MAPKAP1: variants seen among roughly 807,000 people sequenced by gnomAD.
MAPKAP1 encodes target of rapamycin complex 2 subunit MAPKAP1.
Under a neutral mutation model 65.7 loss-of-function variants are expected in MAPKAP1, and 20 were observed. The ratio of observed to expected loss-of-function variants is 0.30; its 90% confidence interval spans 0.21 to 0.44. The LOEUF (loss-of-function observed/expected upper bound fraction) is 0.44. Ranked by LOEUF, MAPKAP1 falls within the 20% of genes least tolerant of loss-of-function variation. The pLI, the probability that MAPKAP1 is intolerant of heterozygous loss-of-function variation, is 1.00. For missense variants in MAPKAP1, 423 were observed against 648.0 expected, an observed-to-expected ratio of 0.65 and a Z score of 3.77; for synonymous variants, 222 against 244.3, an observed-to-expected ratio of 0.91 and a Z score of 0.85.
At chr9:125,537,083 G>C (rs990761170) in intron 7 of MAPKAP1, among the ~76,000 whole-genome samples, 4 of 152,106 alleles carry the variant, frequency 2.6e-5, no homozygotes, top group Non-Finnish European at 5.9e-5. Context: ...TCTCCCATTA[G>C]GGTTCTAATA....
chr9:125,554,541 G>A (rs566568316), intron 6 of MAPKAP1, among the ~76,000 whole-genome samples: 1 of 148,944 alleles, frequency 6.7e-6, no homozygotes, highest in Non-Finnish European at 1.5e-5. Context: ...GCTCATGCCT[G>A]TAATCCTAAC....
intron 8 of MAPKAP1, among the ~76,000 whole-genome samples, chr9:125,501,878 C>T (rs921446569): frequency 2.0e-5 from 3 of 152,034 alleles, no homozygotes; most frequent in African/African-American, 7.2e-5. Context: ...TTCATTCCTA[C>T]TACTATCTGT....
intron 5 of MAPKAP1, among the ~76,000 whole-genome samples, chr9:125,563,592 A>G (rs1235163523): frequency 6.6e-6 from 1 of 152,180 alleles, no homozygotes; most frequent in Non-Finnish European, 1.5e-5. Context: ...ATCTCTCCAT[A>G]CTTACTAAAG....
rs144329556 is a variant in MAPKAP1 at position 125,656,950 on chromosome 9, C to T, written c.498+701G>A. On this transcript the variant is annotated intron_variant, in intron 4 of 11. Coordinates refer to ENST00000265960, the MANE Select transcript of MAPKAP1 (RefSeq NM_001006617.3). ...CAAACACACTTTAATTTCATAACAG[C>T]AAACTTAGCACAAACAGGCAAAAAA... Among the ~76,000 whole-genome samples the T allele has an allele frequency of 4.0e-3, 609 of 152,196 alleles. 3 individuals are homozygous for T. The highest frequency in any genetic ancestry group is 6.6e-3 in the Non-Finnish European group (446 of 67,990).
intron 4 of MAPKAP1, among the ~76,000 whole-genome samples, chr9:125,609,464 C>T (rs150156579): frequency 2.6e-3 from 402 of 152,290 alleles, no homozygotes; most frequent in Non-Finnish European, 3.9e-3. Context: ...GTTTCACCTG[C>T]CAAGCTTCTT....
intron 5 of MAPKAP1, among the ~76,000 whole-genome samples, chr9:125,581,112 G>A (rs1271231894): frequency 2.0e-5 from 3 of 152,200 alleles, no homozygotes; most frequent in Admixed American, 2.0e-4. Context: ...ACCTGCTGAA[G>A]GACATTTAGG....
chr9:125,638,716 G>C (rs748106790), intron 4 of MAPKAP1, among the ~76,000 whole-genome samples: 1 of 152,168 alleles, frequency 6.6e-6, no homozygotes, highest in African/African-American at 2.4e-5. Context: ...CACCCTTTAA[G>C]ACTGCAGCAC....
At chr9:125,700,595 A>T (rs1203095572) in intron 1 of MAPKAP1, among the ~76,000 whole-genome samples, 1 of 152,166 alleles carries the variant, frequency 6.6e-6, no homozygotes, top group African/African-American at 2.4e-5. Context: ...CAATTACATA[A>T]AACTGTATTC....
intron 4 of MAPKAP1, among the ~76,000 whole-genome samples, chr9:125,634,077 A>AT (rs1376199821): frequency 6.6e-6 from 1 of 152,176 alleles, no homozygotes; most frequent in Admixed American, 6.5e-5. Context: ...TTCTTTATCC[A>AT]TATCGCTATT....
At chr9:125,693,273 G>A (rs111952560) in intron 1 of MAPKAP1, among the ~76,000 whole-genome samples, 13,584 of 151,860 alleles carry the variant, frequency 0.089, 1,908 homozygotes, top group African/African-American at 0.3. Context: ...AACTAGCCAA[G>A]CGTGGTGGCA....
At chr9:125,448,554 C>T (rs1852805904) in intron 10 of MAPKAP1, among the ~76,000 whole-genome samples, 1 of 152,198 alleles carries the variant, frequency 6.6e-6, no homozygotes, top group African/African-American at 2.4e-5. Flanking sequence ...TCCTCAGCTG[C>T]AGCCCACCAG....
intron 4 of MAPKAP1, among the ~76,000 whole-genome samples, chr9:125,651,829 T>C (rs1833902226): frequency 6.6e-6 from 1 of 152,006 alleles, no homozygotes; most frequent in African/African-American, 2.4e-5. Flanking sequence ...ACCAGTTGAG[T>C]AGGGGTTGGG....
intron 7 of MAPKAP1, among the ~76,000 whole-genome samples, chr9:125,524,914 G>C (rs963959608): frequency 6.6e-6 from 1 of 152,226 alleles, no homozygotes; most frequent in African/African-American, 2.4e-5. Flanking sequence ...CCAGAGGAAG[G>C]CTAGGTCATT....
chr9:125,568,196 A>C (rs1831119727), intron 5 of MAPKAP1, among the ~76,000 whole-genome samples: 1 of 152,166 alleles, frequency 6.6e-6, no homozygotes, highest in Admixed American at 6.5e-5. Flanking sequence ...TTAGGGGGTT[A>C]AAGGCCCCTC....
intron 1 of MAPKAP1, among the ~76,000 whole-genome samples, chr9:125,703,483 G>A (rs61651684): frequency 9.2e-5 from 14 of 152,134 alleles, no homozygotes; most frequent in Admixed American, 8.5e-4. Flanking sequence ...GGGAAAAAAC[G>A]TAATGTGGCC....
intron 4 of MAPKAP1, among the ~76,000 whole-genome samples, chr9:125,607,163 G>GAAA (rs1448472942): frequency 0.019 from 2,961 of 152,310 alleles, 99 homozygotes; most frequent in African/African-American, 0.068. Context: ...TGAATCATAT[G>GAAA]AAACTGCTGA....
At chr9:125,670,545 A>G (rs2131796635) in intron 2 of MAPKAP1, among the ~76,000 whole-genome samples, 1 of 152,362 alleles carries the variant, frequency 6.6e-6, no homozygotes, top group African/African-American at 2.4e-5. Flanking sequence ...GATATGCTGC[A>G]TGGATTAAAA....
intron 4 of MAPKAP1, among the ~76,000 whole-genome samples, chr9:125,618,462 C>T (rs1832807322): frequency 6.7e-6 from 1 of 148,360 alleles, no homozygotes; most frequent in Non-Finnish European, 1.5e-5. Flanking sequence ...AAATCTCAAA[C>T]TCCTACTAAG....
chr9:125,457,931 A>G (rs1342857969), intron 10 of MAPKAP1, among the ~76,000 whole-genome samples: 1 of 152,192 alleles, frequency 6.6e-6, no homozygotes, highest in East Asian at 1.9e-4. Context: ...TCTATTCTGC[A>G]AATTTCCGTT....
Sources: gnomAD v4.1 joint callset for allele counts (sites outside exome capture counted in the v4.1 genomes callset) on GRCh38, gnomAD v4.1.1 for gene constraint, MANE v1.5 for transcripts, NCBI Gene and HGNC (gene_info 2026-07-23, HGNC 2026-07-21) for gene names.